The following MX1 variants were observed in gnomAD, a reference collection of about 807,000 sequenced individuals.
The protein encoded by MX1 is interferon-induced GTP-binding protein Mx1.
In MX1, 66 loss-of-function variants were observed where a neutral mutation model predicts 66.4. The ratio of observed to expected loss-of-function variants is 0.99; its 90% CI spans 0.82 to 1.22. The LOEUF is 1.22. Among genes scored for constraint, MX1 ranks in the 50% most tolerant of loss-of-function variants. MX1 has a pLI of 0.00. For missense variants in MX1, 787 were observed against 834.3 expected, an observed-to-expected ratio of 0.94 and a Z score of 0.70; for synonymous variants, 311 against 318.1, an observed-to-expected ratio of 0.98 and a Z score of 0.24.
chr21:41,429,302 A>G (rs1358280434), intron 3 of MX1: 1 of 152,248 alleles, frequency 6.6e-6, no homozygotes, highest in African/African-American at 2.4e-5. Context: ...GTTTACAGAC[A>G]AAACCCATAA....
At chr21:41,435,745 C>T (rs189501407) in intron 5 of MX1, 92 bp from the exon 6 acceptor site, 196 of 1,372,186 alleles carry the variant, frequency 1.4e-4, no homozygotes, top group Non-Finnish European at 1.8e-4. Flanking sequence ...GATTACAATT[C>T]GAGATGAGAT....
At chr21:41,456,736 G>A (rs2090968393) in intron 16 of MX1, among the ~76,000 whole-genome samples, 1 of 150,774 alleles carries the variant, frequency 6.6e-6, no homozygotes, top group Admixed American at 6.6e-5. Context: ...GCTTTAGTCT[G>A]CACTAAAGTT....
chr21:41,439,897 G>GT, intron 8 of MX1, 49 bp downstream of exon 8: 3 of 1,443,682 alleles, frequency 2.1e-6, no homozygotes, highest in Non-Finnish European at 2.9e-6. Flanking sequence ...GGGGATGGGG[G>GT]AGTGGAGGGG....
At position 41,452,548 on chromosome 21, in the gene MX1, T is replaced by A. The variant is rs1348838476; in HGVS notation, c.1510-73T>A. The A allele has an allele frequency of 4.0e-6, 6 of 1,514,108 alleles. No individual in the cohort carries two copies. The East Asian group carries it at 1.1e-4, about 28-fold the overall frequency. The allele number at this position is 1,514,108 out of a possible 1,614,324, so 93.8% of individuals were successfully genotyped here. A position where few individuals can be genotyped will look rare whatever the true frequency, so the allele number is the denominator to read the frequency against. On this transcript the variant is annotated intron_variant, in intron 15 of 16. Transcript: ENST00000398598. ...GTTGGGTAACCTGGTATTTACGGACTTCTTACCTACTTTCCTGTGACTCAG... is the reference window on the plus strand; with the variant it reads ...GTTGGGTAACCTGGTATTTACGGACATCTTACCTACTTTCCTGTGACTCAG...
chr21:41,438,649 T>C (rs1457102137), intron 7 of MX1, among the ~76,000 whole-genome samples: 1 of 152,198 alleles, frequency 6.6e-6, no homozygotes, highest in Non-Finnish European at 1.5e-5. Context: ...GGACCGATTT[T>C]CTCTCTCTCC....
At chr21:41,453,686 T>C (rs1478329825) in intron 16 of MX1, among the ~76,000 whole-genome samples, 1 of 152,182 alleles carries the variant, frequency 6.6e-6, no homozygotes, top group Non-Finnish European at 1.5e-5. Context: ...GCTGTCAGGA[T>C]GCAGTTTGAT....
chr21:41,435,762 A>T (rs2090339752), intron 5 of MX1, 75 bp from the exon 6 acceptor site: 2 of 1,479,750 alleles, frequency 1.4e-6, no homozygotes, highest in Non-Finnish European at 1.8e-6. Context: ...AGATTTGGGT[A>T]GGGACACAGA....
At chr21:41,436,560 A>G (rs1467188360) in intron 6 of MX1, among the ~76,000 whole-genome samples, 2 of 152,230 alleles carry the variant, frequency 1.3e-5, no homozygotes, top group African/African-American at 4.8e-5. Flanking sequence ...GTCTTGCAAT[A>G]CAGATCAGGT....
intron 14 of MX1, among the ~76,000 whole-genome samples, chr21:41,450,485 A>G (rs2090792577): frequency 6.6e-6 from 1 of 152,184 alleles, no homozygotes; most frequent in Non-Finnish European, 1.5e-5. Flanking sequence ...TATTTCCAGT[A>G]AAATTGACCT....
chr21:41,433,626 G>GAA (rs1465282413), intron 5 of MX1, among the ~76,000 whole-genome samples: 1 of 152,164 alleles, frequency 6.6e-6, no homozygotes, highest in Admixed American at 6.5e-5. Flanking sequence ...ACCATTGTGG[G>GAA]AAAAACATAT....
intron 15 of MX1, among the ~76,000 whole-genome samples, chr21:41,452,186 C>T (rs1199656688): frequency 6.6e-6 from 1 of 152,204 alleles, no homozygotes; most frequent in African/African-American, 2.4e-5. Context: ...TTCTCCTCCT[C>T]AGGTTTTGGC....
At chr21:41,445,251 G>C (rs1873330485) in intron 11 of MX1, among the ~76,000 whole-genome samples, 197 bp from the exon 12 acceptor site, 1 of 152,128 alleles carries the variant, frequency 6.6e-6, no homozygotes, top group African/African-American at 2.4e-5. Flanking sequence ...TGGGGAAGGG[G>C]GAAGACCTGG....
At chr21:41,434,581 T>C (rs1348738491) in intron 5 of MX1, among the ~76,000 whole-genome samples, 1 of 152,244 alleles carries the variant, frequency 6.6e-6, no homozygotes, top group Non-Finnish European at 1.5e-5. Context: ...ATGTCTCCTT[T>C]GTTGTCTTAT....
Position 41,421,051 on chromosome 21 carries a change from T to G in MX1, c.-723+234T>G, listed in dbSNP as rs1006279609. On this transcript the variant is annotated intron_variant, in intron 1 of 18. Transcript: ENST00000398600. ...AGTTCCCTTAGTATTTATTGATCAT[T>G]TGTGGGTGTTTCTCCGAGAGGGGGA... Among the ~76,000 whole-genome samples, 9 of 152,262 alleles carry G rather than the reference T, an allele frequency of 5.9e-5. No individual in the cohort carries two copies. In the South Asian group the frequency reaches 1.9e-3, roughly 32 times the overall value.
chr21:41,441,572 GC>G lies in MX1; in HGVS notation c.731-139del, dbSNP rs1241055275. 1.7e-5 allele frequency: 14 copies of G among 810,702 alleles called. No homozygotes were observed. The East Asian group carries it at 3.5e-4, about 20-fold the overall frequency. The allele number at this position is 810,702 out of a possible 1,614,324, so 50.2% of individuals were successfully genotyped here. ...TTCTTTTCTGGAGCGGGGCTCCACT[GC>G]CCCCATGGTTCTGCAGGGGCTATGG... On this transcript the variant is annotated intron_variant, in intron 9 of 16. Transcript: ENST00000398598. The surrounding 1 kb of genome is among the most constrained non-coding windows in gnomAD (Gnocchi z 4.0).
rs750980513 is a variant in MX1 at position 41,451,189 on chromosome 21, A to G, written c.1455A>G (p.Thr485=). 4 of 1,612,668 alleles carry G rather than the reference A, an allele frequency of 2.5e-6. No homozygotes were observed. Among genetic ancestry groups the G allele is most frequent in the Admixed American group, 1.7e-5 (1 of 60,004 alleles). Residue 485 remains threonine, a synonymous_variant, in exon 15 of 17, where the codon ACA becomes ACG. Coordinates refer to ENST00000398598, the MANE Select transcript of MX1 (RefSeq NM_002462.5). ...TVTDMVRLAF[T]DVSIKNFEEF... is the part of the protein sequence containing the mutation. The stretch of plus-strand genomic sequence containing the variant: ...TAGATATGGTCCGGCTTGCTTTCAC[A>G]GATGTTTCGATAAAAAATTTTGAAG...
chr21:41,439,892 T>TTG, intron 8 of MX1, 44 bp downstream of exon 8: 3 of 1,064,396 alleles, frequency 2.8e-6, no homozygotes, highest in East Asian at 3.7e-5. Context: ...GGCGTGGGGA[T>TTG]GGGGGAGTGG....
At chr21:41,453,947 T>C (rs2090897768) in intron 16 of MX1, among the ~76,000 whole-genome samples, 1 of 152,174 alleles carries the variant, frequency 6.6e-6, no homozygotes, top group Non-Finnish European at 1.5e-5. Flanking sequence ...ATGAAGACTC[T>C]GGGTAGCAGC....
At position 41,458,849 on chromosome 21, in the gene MX1, G is replaced by C; in HGVS notation, c.*91G>C. 6.6e-7 allele frequency: 1 copy of C among 1,510,734 alleles called. No homozygotes were observed. The highest frequency in any genetic ancestry group is 8.8e-7 in the Non-Finnish European group (1 of 1,131,416). The allele number at this position is 1,510,734 out of a possible 1,614,324, so 93.6% of individuals were successfully genotyped here. A position where few individuals can be genotyped will look rare whatever the true frequency, so the allele number is the denominator to read the frequency against. On this transcript the variant is annotated 3_prime_UTR_variant, in exon 17 of 17. Coordinates refer to ENST00000398598, the MANE Select transcript of MX1 (RefSeq NM_002462.5). ...GGACTGACGACTTGAGTGCTCAGTAGTCAGACTGGATAGTCCGTCTCTGCT... is the reference window on the plus strand; with the variant it reads ...GGACTGACGACTTGAGTGCTCAGTACTCAGACTGGATAGTCCGTCTCTGCT...
Sources: allele counts gnomAD v4.1 joint callset (sites outside exome capture counted in the v4.1 genomes callset), GRCh38; gene constraint gnomAD v4.1.1; non-coding constraint Gnocchi (gnomAD v3.1); transcripts MANE v1.5; gene names NCBI Gene and HGNC (gene_info 2026-07-23, HGNC 2026-07-21).